The following PLEKHA6 variants were observed in gnomAD, a reference collection of about 807,000 sequenced individuals.
PLEKHA6 encodes pleckstrin homology domain-containing family A member 6.
Under a neutral mutation model 116.7 loss-of-function variants are expected in PLEKHA6, and 60 were observed. The ratio of observed to expected loss-of-function variants is 0.51; its 90% CI spans 0.42 to 0.64. The LOEUF (loss-of-function observed/expected upper bound fraction) is 0.64. PLEKHA6 is among the 30% of genes least tolerant of loss of function. PLEKHA6 has a pLI of 0.00. For missense variants in PLEKHA6, 1,338 were observed against 1,422.7 expected (o/e 0.94, Z 0.96); for synonymous variants, 489 against 556.1 (o/e 0.88, Z 1.70).
intron 17 of PLEKHA6, among the ~76,000 whole-genome samples, chr1:204,235,609 G>T (rs1661928186): frequency 6.6e-6 from 1 of 152,184 alleles, no homozygotes; most frequent in South Asian, 2.1e-4. Flanking sequence ...GCCTTGCCAG[G>T]CGTCTATTGT....
At chr1:204,266,398 C>A (rs543970423) in intron 5 of PLEKHA6, among the ~76,000 whole-genome samples, 1 of 152,116 alleles carries the variant, frequency 6.6e-6, no homozygotes, top group African/African-American at 2.4e-5. Flanking sequence ...GAGGTTCTAC[C>A]CCCACTGCTT....
intron 1 of PLEKHA6, among the ~76,000 whole-genome samples, chr1:204,352,243 G>T (rs542140678): frequency 6.7e-6 from 1 of 150,294 alleles, no homozygotes; most frequent in Non-Finnish European, 1.5e-5. Context: ...GCATGGTGGC[G>T]CATGCCTTGT....
chr1:204,319,406 T>C (rs1251763280), intron 1 of PLEKHA6, among the ~76,000 whole-genome samples: 1 of 152,128 alleles, frequency 6.6e-6, no homozygotes, highest in Admixed American at 6.5e-5. Flanking sequence ...GCCCCAAACA[T>C]ACATTATTTT....
intron 7 of PLEKHA6, among the ~76,000 whole-genome samples, chr1:204,260,891 C>T (rs752410270): frequency 4.6e-5 from 7 of 152,202 alleles, no homozygotes; most frequent in Non-Finnish European, 8.8e-5. Context: ...AGAGGAACCT[C>T]GGGTTCAGAG....
upstream of PLEKHA6, among the ~76,000 whole-genome samples, chr1:204,360,444 T>C (rs1236913193): frequency 1.4e-5 from 2 of 145,326 alleles, no homozygotes; most frequent in Middle Eastern, 3.3e-3. Context: ...GGGGCCACTA[T>C]GAGATGCCAG....
intron 1 of PLEKHA6, among the ~76,000 whole-genome samples, chr1:204,349,824 T>C (rs1016645269): frequency 2.0e-5 from 3 of 152,222 alleles, no homozygotes; most frequent in Non-Finnish European, 4.4e-5. Context: ...TTAGTGCGCA[T>C]GCTGTCTCAG....
intron 1 of PLEKHA6, among the ~76,000 whole-genome samples, chr1:204,342,529 T>C (rs1177441772): frequency 1.3e-5 from 2 of 152,246 alleles, no homozygotes; most frequent in Non-Finnish European, 2.9e-5. Flanking sequence ...TTAATGTGCA[T>C]ATGAATCACC....
In PLEKHA6 at chr1:204,265,426, G is replaced by A. The variant is rs1417592555; in HGVS notation, c.281-384C>T. 2.0e-5 allele frequency among the ~76,000 whole-genome samples: 3 copies of A among 152,300 alleles called. No homozygotes were observed. In the East Asian group the frequency reaches 5.8e-4, roughly 29 times the overall value. On this transcript the variant is annotated intron_variant, in intron 5 of 22. Coordinates refer to ENST00000272203, the MANE Select transcript of PLEKHA6 (RefSeq NM_014935.5). Reference sequence around the variant, plus strand: ...GATTTAATCCTCCCAACAAACCTATGAGGAGGTACTATTATTACCCTCATT... The same window carrying A: ...GATTTAATCCTCCCAACAAACCTATAAGGAGGTACTATTATTACCCTCATT...
intron 10 of PLEKHA6, 77 bp downstream of exon 10, chr1:204,250,469 A>G: frequency 1.0e-6 from 1 of 968,800 alleles, no homozygotes; most frequent in East Asian, 2.4e-5. Context: ...AGAGAGATGG[A>G]TGGAGAGACA....
chr1:204,274,566 G>T, intron 2 of PLEKHA6, 163 bp downstream of exon 2: 1 of 982,624 alleles, frequency 1.0e-6, no homozygotes, highest in Non-Finnish European at 1.2e-6. Flanking sequence ...AAGCCAGATG[G>T]GTCTCAGATG....
At chr1:204,235,226 G>A (rs1661866270) in intron 17 of PLEKHA6, among the ~76,000 whole-genome samples, 2 of 151,644 alleles carry the variant, frequency 1.3e-5, no homozygotes, top group African/African-American at 2.4e-5. Context: ...ATAGTATGGA[G>A]AACACTGATA....
chr1:204,293,998 C>T (rs1191893319), intron 1 of PLEKHA6, among the ~76,000 whole-genome samples: 3 of 152,102 alleles, frequency 2.0e-5, no homozygotes, highest in Non-Finnish European at 4.4e-5. Context: ...AGAATTGTAT[C>T]GATGTTATTA....
chr1:204,315,475 TC>T, intron 1 of PLEKHA6, among the ~76,000 whole-genome samples: 2 of 152,118 alleles, frequency 1.3e-5, no homozygotes. Context: ...CCCTTCCCTC[TC>T]CCCCAGATGC....
rs149183171 is a variant in PLEKHA6, at chr1:204,259,323, G to A, written c.942C>T (p.Ser314=). The A allele has an allele frequency of 6.2e-7, 1 of 1,614,102 alleles. No homozygotes were observed. Among genetic ancestry groups the A allele is most frequent in the Non-Finnish European group, 8.5e-7 (1 of 1,180,046 alleles). ...TCACCCACTGCTGAAGCTGGTTCATGGAGCTCTTGCGCTGGGCAATTTTGT... is the reference window on the plus strand; with the variant it reads ...TCACCCACTGCTGAAGCTGGTTCATAGAGCTCTTGCGCTGGGCAATTTTGT... ...NPDKIAQRKS[S]MNQLQQWVNL... The change falls in exon 8 of 23, where the codon TCC becomes TCT. Residue 314 remains serine (S), a synonymous_variant. Transcript: ENST00000272203. The surrounding 1 kb of genome is among the most constrained non-coding windows in gnomAD (Gnocchi z 4.6).
chr1:204,313,764 C>A, intron 1 of PLEKHA6: 3 of 925,592 alleles, frequency 3.2e-6, no homozygotes, highest in Non-Finnish European at 3.9e-6. Flanking sequence ...CAGAGAGCAC[C>A]ATGTAGGTGT....
At chr1:204,333,262 T>A (rs904639319) in intron 1 of PLEKHA6, among the ~76,000 whole-genome samples, 14 of 152,174 alleles carry the variant, frequency 9.2e-5, no homozygotes, top group African/African-American at 3.4e-4. Flanking sequence ...TGACTAGGGT[T>A]TCTCTTACCC....
At chr1:204,315,455 A>G (rs1017145717) in intron 1 of PLEKHA6, among the ~76,000 whole-genome samples, 1 of 152,220 alleles carries the variant, frequency 6.6e-6, no homozygotes, top group East Asian at 1.9e-4. Context: ...CTGCTCTGGC[A>G]GCGTCATTCC....
At chr1:204,354,108 T>C (rs1428767381) in intron 1 of PLEKHA6, among the ~76,000 whole-genome samples, 1 of 152,202 alleles carries the variant, frequency 6.6e-6, no homozygotes, top group Non-Finnish European at 1.5e-5. Context: ...TAGATGCCTG[T>C]TCTTCTCAGA....
At position 204,228,211 on chromosome 1, in the gene PLEKHA6, G is replaced by T; in HGVS notation, c.2903C>A (p.Pro968His). The T allele has an allele frequency of 6.2e-7, 1 of 1,608,522 alleles. No homozygotes were observed. Among genetic ancestry groups the T allele is most frequent in the South Asian group, 1.1e-5 (1 of 90,450 alleles). The change falls in exon 21 of 23, where the codon CCC becomes CAC. Residue 968 changes from proline (P) to histidine (H), a missense_variant. Physicochemically the swap from Pro to His is moderately conservative, Grantham distance 77. Coordinates refer to ENST00000272203, the MANE Select transcript of PLEKHA6 (RefSeq NM_014935.5). This position sits in a 1 kb window ranked among gnomAD's most constrained non-coding sequence, Gnocchi z 4.0. ...GTCCACAGAGTCCCCCTCGCCGATG[G>T]GCACCACGTTCTGCATACTGAAGAG... ...IAKSSMQNVV[P>H]IGEGDSVDVP...
Sources: gnomAD v4.1 joint callset for allele counts (sites outside exome capture counted in the v4.1 genomes callset) on GRCh38, gnomAD v4.1.1 for gene constraint, Gnocchi (gnomAD v3.1) non-coding constraint, MANE v1.5 for transcripts, NCBI Gene and HGNC (gene_info 2026-07-23, HGNC 2026-07-21) for gene names.